NRCAM: variants seen among roughly 807,000 people sequenced by gnomAD.
NRCAM encodes the protein NgCAM-related cell adhesion molecule.
A neutral mutation model predicts 156.5 loss-of-function variants in NRCAM; 83 were observed. That is an observed-to-expected ratio of 0.53 (90% confidence interval 0.44 to 0.64). The LOEUF (loss-of-function observed/expected upper bound fraction) is 0.64, where lower values mean the gene tolerates loss of function less well. Ranked by LOEUF, NRCAM falls within the 30% of genes least tolerant of loss-of-function variation. The pLI is 0.00. For synonymous variants in NRCAM, 538 were observed against 563.9 expected (o/e 0.95, Z 0.65); for missense variants, 1,417 against 1,597.3 (o/e 0.89, Z 1.92).
intron 3 of NRCAM, among the ~76,000 whole-genome samples, chr7:108,249,072 C>CGCAA (rs1562942993): frequency 6.6e-6 from 1 of 152,092 alleles, no homozygotes; most frequent in Non-Finnish European, 1.5e-5. Context: ...TTGTGCTCCC[C>CGCAA]GCAAACAAGG....
chr7:108,394,509 CCT>C (rs886213961), intron 2 of NRCAM, among the ~76,000 whole-genome samples: 4 of 152,130 alleles, frequency 2.6e-5, no homozygotes, highest in Admixed American at 2.6e-4. Flanking sequence ...TCTCTCTTTG[CCT>C]CTTTCTGTCT....
At chr7:108,303,490 A>C (rs1193630471) in intron 3 of NRCAM, among the ~76,000 whole-genome samples, 1 of 152,050 alleles carries the variant, frequency 6.6e-6, no homozygotes, top group East Asian at 1.9e-4. Context: ...ACTCCAATCT[A>C]TTCTACATAT....
intron 3 of NRCAM, among the ~76,000 whole-genome samples, chr7:108,254,605 T>C (rs1242200438): frequency 2.7e-5 from 4 of 146,456 alleles, no homozygotes; most frequent in South Asian, 4.3e-4. Context: ...TGGAGTATAA[T>C]AGCGTGATCT....
At chr7:108,296,381 G>A (rs2098454572) in intron 3 of NRCAM, among the ~76,000 whole-genome samples, 1 of 152,160 alleles carries the variant, frequency 6.6e-6, no homozygotes. Flanking sequence ...ACTTATGGAT[G>A]AAACCTCAGA....
intron 3 of NRCAM, among the ~76,000 whole-genome samples, chr7:108,289,405 A>T (rs1204174061): frequency 6.6e-6 from 1 of 152,126 alleles, no homozygotes; most frequent in Non-Finnish European, 1.5e-5. Flanking sequence ...CTTAAAATGT[A>T]TTCTCTTAGT....
At chr7:108,160,237 A>G (rs1236479657) in intron 31 of NRCAM, 124 bp downstream of exon 31, 4 of 891,230 alleles carry the variant, frequency 4.5e-6, no homozygotes, top group East Asian at 2.5e-5. Context: ...ATTTGAAGAG[A>G]AAGTCCAAAC....
intron 2 of NRCAM, among the ~76,000 whole-genome samples, chr7:108,358,298 G>C (rs185625901): frequency 6.6e-6 from 1 of 150,982 alleles, no homozygotes; most frequent in East Asian, 2.0e-4. Context: ...CCAGCTACTC[G>C]GGAGGCTAAG....
intron 2 of NRCAM, among the ~76,000 whole-genome samples, chr7:108,395,797 GCAGCCAC>G (rs1442934936): frequency 6.6e-6 from 1 of 152,120 alleles, no homozygotes; most frequent in Non-Finnish European, 1.5e-5. Flanking sequence ...CAAGCAGAAA[GCAGCCAC>G]CTAATATGGT....
Position 108,237,627 on chromosome 7 carries a change from C to T in NRCAM, c.124+125G>A, listed in dbSNP as rs1174896646. 5 of 610,126 alleles carry T rather than the reference C, an allele frequency of 8.2e-6. No homozygotes were observed. In the East Asian group the frequency reaches 1.6e-4, roughly 20 times the overall value. The allele number at this position is 610,126 out of a possible 1,614,324, so 37.8% of individuals were successfully genotyped here. On this transcript the variant is annotated intron_variant, in intron 5 of 32. Coordinates refer to ENST00000379028, the MANE Select transcript of NRCAM (RefSeq NM_001037132.4). ...ATACAATGTTTAGCTACAGTAAACA[C>T]ACATGCTTAGAAAGACAAAGGTCAC...
chr7:108,378,684 C>G (rs1205726107), intron 2 of NRCAM, among the ~76,000 whole-genome samples: 1 of 133,212 alleles, frequency 7.5e-6, no homozygotes, highest in East Asian at 2.4e-4. Context: ...CACACACACA[C>G]ACACAAACTC....
intron 1 of NRCAM, among the ~76,000 whole-genome samples, chr7:108,449,269 G>T (rs1472458629): frequency 1.3e-5 from 2 of 152,088 alleles, no homozygotes; most frequent in Non-Finnish European, 2.9e-5. Context: ...ATTTCAATTC[G>T]AACTAATCTA....
At chr7:108,189,597 A>G (rs369358067) in intron 20 of NRCAM, 48 bp downstream of exon 20, 1 of 803,130 alleles carries the variant, frequency 1.2e-6, no homozygotes. Context: ...AAGTGCTTCA[A>G]ACATGGCCAT....
chr7:108,348,972 G>T (rs114406719), intron 2 of NRCAM, among the ~76,000 whole-genome samples: 1,842 of 151,878 alleles, frequency 0.012, 40 homozygotes, highest in African/African-American at 0.042. Context: ...CTATCAGGAT[G>T]GGGGGGAATG....
intron 1 of NRCAM, among the ~76,000 whole-genome samples, chr7:108,406,540 C>G (rs1029461564): frequency 7.9e-5 from 12 of 152,322 alleles, no homozygotes; most frequent in African/African-American, 2.9e-4. Flanking sequence ...GAGAACACTC[C>G]TCAGATTGAA....
chr7:108,378,564 G>A (rs2099686069), intron 2 of NRCAM, among the ~76,000 whole-genome samples: 1 of 150,598 alleles, frequency 6.6e-6, no homozygotes, highest in African/African-American at 2.4e-5. Flanking sequence ...TAGTGCCTAA[G>A]AATTCTTCAG....
intron 3 of NRCAM, among the ~76,000 whole-genome samples, chr7:108,276,201 T>C (rs995465553): frequency 3.3e-5 from 5 of 152,228 alleles, no homozygotes; most frequent in Non-Finnish European, 5.9e-5. Context: ...GAGAAGAATG[T>C]ATATTCTGTT....
At chr7:108,311,409 A>G (rs1258555213) in intron 3 of NRCAM, among the ~76,000 whole-genome samples, 1 of 152,210 alleles carries the variant, frequency 6.6e-6, no homozygotes, top group African/African-American at 2.4e-5. Context: ...AGGGGTACAT[A>G]AAAACTATAT....
At chr7:108,159,570 C>T in intron 31 of NRCAM, 29 bp from the exon 32 acceptor site, 1 of 1,510,922 alleles carries the variant, frequency 6.6e-7, no homozygotes, top group South Asian at 1.1e-5. Context: ...GTATTATTAT[C>T]TGTTGATCCT....
rs567544013 is a variant in NRCAM, at chr7:108,276,613, T to A, written c.-107+36052A>T. Among the ~76,000 whole-genome samples the A allele has an allele frequency of 9.2e-5, 14 of 152,302 alleles. No homozygotes were observed. The East Asian group carries it at 2.7e-3, about 29-fold the overall frequency. On this transcript the variant is annotated intron_variant, in intron 3 of 32. Transcript: ENST00000379028. The stretch of plus-strand genomic sequence containing the variant: ...GTAGATCTTCCTCCATCCCTTTATT[T>A]TGAGCCTATGTGTGTCTGTGCACAT...
Sources: gnomAD v4.1 joint callset for allele counts (sites outside exome capture counted in the v4.1 genomes callset) on GRCh38, gnomAD v4.1.1 for gene constraint, MANE v1.5 for transcripts, NCBI Gene and HGNC (gene_info 2026-07-23, HGNC 2026-07-21) for gene names.